The following DPP10 variants were observed in gnomAD, a reference collection of about 807,000 sequenced individuals.
The protein encoded by DPP10 is dipeptidyl peptidase like 10.
DPP10 carries 33 observed loss-of-function variants against 120.9 expected under a neutral mutation model. That is an observed-to-expected ratio of 0.27 (90% CI 0.21 to 0.37). The LOEUF is 0.37. DPP10 is among the 10% of genes least tolerant of loss of function. DPP10 has a pLI of 1.00. For synonymous variants in DPP10, 337 were observed against 326.1 expected, an observed-to-expected ratio of 1.03 and a Z score of -0.36; for missense variants, 816 against 942.8, an observed-to-expected ratio of 0.87 and a Z score of 1.76.
intron 1 of DPP10, among the ~76,000 whole-genome samples, chr2:115,101,848 C>G (rs1011574292): frequency 5.9e-5 from 9 of 152,180 alleles, no homozygotes; most frequent in Admixed American, 6.5e-5. Context: ...TCTTGCTACT[C>G]TAGTTCAGTT....
rs189113053 is a variant in DPP10, at chr2:114,536,541, G to C, written c.60+93703G>C. On this transcript the variant is annotated intron_variant, in intron 1 of 25. Transcript: ENST00000410059. ...CTGCCTCAGCCTCCTGAGTAGCTGG[G>C]ACTACAGGCGCCCGCTACCATGCCC... 3.9e-4 allele frequency among the ~76,000 whole-genome samples: 59 copies of C among 151,822 alleles called. 1 individual carries two copies. The highest frequency in any genetic ancestry group is 3.7e-3 in the Admixed American group (56 of 15,254).
chr2:114,490,444 G>A (rs756122450), intron 1 of DPP10, among the ~76,000 whole-genome samples: 25 of 152,140 alleles, frequency 1.6e-4, no homozygotes, highest in Non-Finnish European at 2.8e-4. Context: ...ATTTCCTTGA[G>A]GGAAGAAGGA....
At chr2:115,244,846 C>T (rs6713297) in intron 1 of DPP10, among the ~76,000 whole-genome samples, 3 of 143,520 alleles carry the variant, frequency 2.1e-5, no homozygotes, top group Non-Finnish European at 3.1e-5. Flanking sequence ...TATATATATA[C>T]ATATATATAT....
At chr2:115,565,871 C>T (rs138571814) in intron 5 of DPP10, among the ~76,000 whole-genome samples, 7 of 151,002 alleles carry the variant, frequency 4.6e-5, no homozygotes, top group African/African-American at 1.2e-4. Flanking sequence ...TTGCAACCTC[C>T]GCCTCCCGGG....
intron 7 of DPP10, among the ~76,000 whole-genome samples, chr2:115,711,449 A>G (rs1018951378): frequency 6.6e-6 from 1 of 152,140 alleles, no homozygotes; most frequent in African/African-American, 2.4e-5. Flanking sequence ...ATTCTTGTAC[A>G]TCATAAAATG....
At chr2:115,840,330 T>TTTG (rs1689998275) in intron 24 of DPP10, among the ~76,000 whole-genome samples, 1 of 120,566 alleles carries the variant, frequency 8.3e-6, no homozygotes, top group Non-Finnish European at 1.7e-5. Context: ...TTTTTTTTTT[T>TTTG]TTTTTTTTTT....
intron 3 of DPP10, chr2:115,468,597 C>T: frequency 2.6e-6 from 1 of 391,012 alleles, no homozygotes. Context: ...GGGAGTTCTG[C>T]ACTTGTGTGG....
chr2:115,615,392 T>G (rs1350824808), intron 5 of DPP10, among the ~76,000 whole-genome samples: 7 of 152,212 alleles, frequency 4.6e-5, no homozygotes, highest in Admixed American at 4.6e-4. Flanking sequence ...TGGATATTAT[T>G]TGTCTCATTC....
intron 1 of DPP10, among the ~76,000 whole-genome samples, chr2:115,227,362 A>G (rs1403534478): frequency 6.6e-6 from 1 of 152,176 alleles, no homozygotes; most frequent in African/African-American, 2.4e-5. Context: ...ATCTTTCAGT[A>G]AAGAAACTGA....
At chr2:115,535,184 G>T (rs906142531) in intron 5 of DPP10, among the ~76,000 whole-genome samples, 1 of 151,896 alleles carries the variant, frequency 6.6e-6, no homozygotes, top group South Asian at 2.1e-4. Flanking sequence ...TGAAGTCCTC[G>T]CCCATGCCTA....
At chr2:115,505,788 T>A (rs546296637) in intron 4 of DPP10, among the ~76,000 whole-genome samples, 2 of 152,236 alleles carry the variant, frequency 1.3e-5, no homozygotes, top group East Asian at 3.9e-4. Flanking sequence ...CAACCAGAGT[T>A]AAGAATAATG....
At position 115,701,026 on chromosome 2, in the gene DPP10, A is replaced by T. The variant is rs935845921; in HGVS notation, c.576+11105A>T. Among the ~76,000 whole-genome samples the T allele has an allele frequency of 7.9e-5, 12 of 152,128 alleles. No individual in the cohort carries two copies. In the East Asian group the frequency reaches 2.1e-3, roughly 27 times the overall value. ...GATGTCAATATGCCCAACACAATCTACAGATTCAATTCAATCCCTATCAAA... is the reference window on the plus strand; with the variant it reads ...GATGTCAATATGCCCAACACAATCTTCAGATTCAATTCAATCCCTATCAAA... On this transcript the variant is annotated intron_variant, in intron 7 of 25. Coordinates refer to ENST00000410059, the MANE Select transcript of DPP10 (RefSeq NM_020868.6).
intron 1 of DPP10, among the ~76,000 whole-genome samples, chr2:114,545,502 G>C (rs1300199431): frequency 1.3e-5 from 2 of 152,176 alleles, no homozygotes; most frequent in African/African-American, 4.8e-5. Context: ...GATTCATTGA[G>C]ATCAACATAC....
chr2:115,079,048 G>A (rs13032709), intron 1 of DPP10, among the ~76,000 whole-genome samples: 37,502 of 152,052 alleles, frequency 0.25, 5,381 homozygotes, highest in Non-Finnish European at 0.31. Flanking sequence ...TTGAGTCCAC[G>A]CTTGAGTGCC....
At chr2:115,840,329 T>TTG (rs1559227953) in intron 24 of DPP10, among the ~76,000 whole-genome samples, 30 of 120,440 alleles carry the variant, frequency 2.5e-4, no homozygotes, top group African/African-American at 9.2e-4. Flanking sequence ...GTTTTTTTTT[T>TTG]TTTTTTTTTT....
chr2:114,866,154 T>TAAATAAAC, intron 1 of DPP10, among the ~76,000 whole-genome samples: 1 of 115,112 alleles, frequency 8.7e-6, no homozygotes, highest in Non-Finnish European at 2.0e-5. Context: ...TAAATAAACT[T>TAAATAAAC]ATATGCTTGT....
intron 1 of DPP10, among the ~76,000 whole-genome samples, chr2:115,276,840 G>A (rs1463861151): frequency 6.6e-6 from 1 of 152,084 alleles, no homozygotes; most frequent in Non-Finnish European, 1.5e-5. Context: ...TCTACTCCAA[G>A]GATTGCACTA....
intron 5 of DPP10, among the ~76,000 whole-genome samples, chr2:115,595,740 C>T (rs926311416): frequency 1.3e-5 from 2 of 151,890 alleles, no homozygotes; most frequent in African/African-American, 4.8e-5. Flanking sequence ...CCCCAATTTT[C>T]TATATCCGTT....
intron 1 of DPP10, among the ~76,000 whole-genome samples, chr2:114,914,131 C>T (rs1201209001): frequency 6.6e-6 from 1 of 152,180 alleles, no homozygotes; most frequent in Non-Finnish European, 1.5e-5. Flanking sequence ...GAGAGGCAAG[C>T]AACTTGTAAA....
Sources: gnomAD v4.1 joint callset for allele counts (sites outside exome capture counted in the v4.1 genomes callset) on GRCh38, gnomAD v4.1.1 for gene constraint, MANE v1.5 for transcripts, NCBI Gene and HGNC (gene_info 2026-07-23, HGNC 2026-07-21) for gene names.